Variants in ADRA1B observed in about 807,000 individuals in gnomAD.
ADRA1B encodes adrenoceptor alpha 1B, also known as alpha-1B adrenergic receptor.
ADRA1B carries 17 observed loss-of-function variants against 17.9 expected under a neutral mutation model. The observed-to-expected ratio is 0.95, with a 90% CI of 0.65 to 1.42. The LOEUF is 1.42. ADRA1B is among the 40% of genes most tolerant of loss of function. The pLI is 0.00. For synonymous variants in ADRA1B, 366 were observed against 327.6 expected, an observed-to-expected ratio of 1.12 and a Z score of -1.27; for missense variants, 681 against 722.1, an observed-to-expected ratio of 0.94 and a Z score of 0.65.
At chr5:159,872,680 G>T (rs1348079154) in intron 1 of ADRA1B, among the ~76,000 whole-genome samples, 1 of 152,078 alleles carries the variant, frequency 6.6e-6, no homozygotes. Context: ...TTGTCTGACT[G>T]CTTGGTCAAG....
At chr5:159,965,286 A>G (rs889088502) in intron 1 of ADRA1B, among the ~76,000 whole-genome samples, 1 of 152,180 alleles carries the variant, frequency 6.6e-6, no homozygotes, top group Non-Finnish European at 1.5e-5. Context: ...AGGCAGGGCA[A>G]GGAGCATCAG....
intron 1 of ADRA1B, among the ~76,000 whole-genome samples, chr5:159,949,890 G>C (rs1380827204): frequency 6.6e-6 from 1 of 152,182 alleles, no homozygotes; most frequent in African/African-American, 2.4e-5. Flanking sequence ...CTTGCATCCT[G>C]TTCCTTTATG....
intron 1 of ADRA1B, among the ~76,000 whole-genome samples, chr5:159,968,177 A>C (rs1027195501): frequency 6.6e-6 from 1 of 152,132 alleles, no homozygotes; most frequent in East Asian, 1.9e-4. Flanking sequence ...AATAACTATG[A>C]CTATCATATA....
chr5:159,876,124 G>T (rs1402163318), intron 1 of ADRA1B, among the ~76,000 whole-genome samples: 1 of 152,192 alleles, frequency 6.6e-6, no homozygotes, highest in Admixed American at 6.5e-5. Context: ...AGGAGACAGA[G>T]GTTACAGTGA....
chr5:159,878,111 C>G (rs374464494), intron 1 of ADRA1B, among the ~76,000 whole-genome samples: 1 of 152,182 alleles, frequency 6.6e-6, no homozygotes, highest in Non-Finnish European at 1.5e-5. Flanking sequence ...GACCAAATGC[C>G]GAGGCAGTCT....
At chr5:159,917,962 C>T (rs940640146) in intron 1 of ADRA1B, 108 bp downstream of exon 1, 28 of 974,912 alleles carry the variant, frequency 2.9e-5, no homozygotes, top group East Asian at 4.8e-5. Context: ...GCAGTCTGTG[C>T]GTGTTCGGAG....
Position 159,968,868 on chromosome 5 carries a change from C to T in ADRA1B, c.950-3011C>T, listed in dbSNP as rs183372332. Among the ~76,000 whole-genome samples the T allele has an allele frequency of 5.3e-5, 8 of 152,308 alleles. No individual in the cohort carries two copies. The East Asian group carries it at 1.5e-3, about 29-fold the overall frequency. ...ACGCTGGGATTACAGACTTGAACCA[C>T]CATGTCTGGCCCTCTCCAAAATTTA... On this transcript the variant is annotated intron_variant, in intron 1 of 1. Coordinates refer to ENST00000306675, the MANE Select transcript of ADRA1B (RefSeq NM_000679.4).
intron 1 of ADRA1B, among the ~76,000 whole-genome samples, chr5:159,922,357 A>C (rs1754508487): frequency 1.3e-5 from 2 of 152,212 alleles, no homozygotes; most frequent in South Asian, 4.1e-4. Context: ...TGATAGGGCC[A>C]AAAGTTGAAT....
chr5:159,921,514 C>T (rs1754481544), intron 1 of ADRA1B, among the ~76,000 whole-genome samples: 1 of 152,166 alleles, frequency 6.6e-6, no homozygotes, highest in African/African-American at 2.4e-5. Flanking sequence ...TGCATTGCAG[C>T]AGTGGGGGAA....
At chr5:159,946,579 T>G (rs1016942855) in intron 1 of ADRA1B, among the ~76,000 whole-genome samples, 8 of 152,370 alleles carry the variant, frequency 5.3e-5, no homozygotes, top group African/African-American at 1.7e-4. Flanking sequence ...GTCTTGCTTA[T>G]CTCATGACCT....
intron 1 of ADRA1B, among the ~76,000 whole-genome samples, chr5:159,962,001 CA>C (rs752870648): frequency 1.3e-5 from 2 of 152,188 alleles, no homozygotes; most frequent in South Asian, 4.1e-4. Context: ...AGTTCAAGAC[CA>C]GTCTGGTCAA....
At chr5:159,879,734 G>T (rs889167573) in intron 1 of ADRA1B, among the ~76,000 whole-genome samples, 2 of 152,142 alleles carry the variant, frequency 1.3e-5, no homozygotes, top group African/African-American at 4.8e-5. Flanking sequence ...AGTGGCTCAC[G>T]CATATAATCC....
At chr5:159,877,482 C>T (rs966932240) in intron 1 of ADRA1B, among the ~76,000 whole-genome samples, 2 of 152,196 alleles carry the variant, frequency 1.3e-5, no homozygotes, top group African/African-American at 4.8e-5. Context: ...AATTTCAGTA[C>T]TCCATGTTGG....
chr5:159,904,311 T>G (rs1754135492), intron 1 of ADRA1B, among the ~76,000 whole-genome samples: 1 of 152,164 alleles, frequency 6.6e-6, no homozygotes, highest in South Asian at 2.1e-4. Context: ...CTACACAACT[T>G]CTACAGTCCC....
At chr5:159,935,692 A>G (rs1441900033) in intron 1 of ADRA1B, among the ~76,000 whole-genome samples, 2 of 152,090 alleles carry the variant, frequency 1.3e-5, no homozygotes, top group African/African-American at 4.8e-5. Flanking sequence ...GATTACAGGC[A>G]TGCACCACCA....
intron 1 of ADRA1B, among the ~76,000 whole-genome samples, chr5:159,902,286 T>A (rs1754109940): frequency 6.6e-6 from 1 of 152,178 alleles, no homozygotes; most frequent in South Asian, 2.1e-4. Flanking sequence ...GATAAGTAGT[T>A]GAATTCATAG....
intron 1 of ADRA1B, among the ~76,000 whole-genome samples, chr5:159,939,189 T>C (rs1755035281): frequency 6.6e-6 from 1 of 151,538 alleles, no homozygotes; most frequent in Non-Finnish European, 1.5e-5. Context: ...AGCTACTGGT[T>C]TTCATTTGAG....
At chr5:159,946,167 T>C (rs939079629) in intron 1 of ADRA1B, among the ~76,000 whole-genome samples, 1 of 152,170 alleles carries the variant, frequency 6.6e-6, no homozygotes, top group African/African-American at 2.4e-5. Context: ...TGATGGTAAC[T>C]TTCGATTGCA....
At chr5:159,889,904 C>G (rs1433391969) in intron 1 of ADRA1B, among the ~76,000 whole-genome samples, 1 of 152,170 alleles carries the variant, frequency 6.6e-6, no homozygotes, top group African/African-American at 2.4e-5. Context: ...CCTTCTTGAA[C>G]CTAACACTTA....
Sources: gnomAD v4.1 joint callset for allele counts (sites outside exome capture counted in the v4.1 genomes callset) on GRCh38, gnomAD v4.1.1 for gene constraint, MANE v1.5 for transcripts, NCBI Gene and HGNC (gene_info 2026-07-23, HGNC 2026-07-21) for gene names.